The following LRP2 variants were observed in gnomAD, a reference collection of about 807,000 sequenced individuals.
LRP2 encodes LDL receptor related protein 2.
LRP2 carries 172 observed loss-of-function variants against 531.0 expected under a neutral mutation model. That is an observed-to-expected ratio of 0.32 (90% CI 0.29 to 0.37). The LOEUF is 0.37. Ranked by LOEUF, LRP2 falls within the 10% of genes least tolerant of loss-of-function variation. The probability of loss-of-function intolerance (pLI) is 1.00; values close to 1 mark genes in which losing one functional copy is unlikely to be tolerated. For missense variants in LRP2, 5,167 were observed against 5,868.3 expected, an observed-to-expected ratio of 0.88 and a Z score of 3.90; for synonymous variants, 1,992 against 2,027.6, an observed-to-expected ratio of 0.98 and a Z score of 0.47.
chr2:169,212,249 T>C lies in LRP2; in HGVS notation c.6041-42A>G, dbSNP rs574055916. The C allele has an allele frequency of 2.4e-5, 38 of 1,613,664 alleles. No individual in the cohort carries two copies. In the African/African-American group the frequency reaches 2.9e-4, roughly 12 times the overall value. On this transcript the variant is annotated intron_variant, in intron 36 of 78. Coordinates refer to ENST00000649046, the MANE Select transcript of LRP2 (RefSeq NM_004525.3). ...TCCATTTGTAACTTTTGATCCTAGC[T>C]ACTCGCCACCCCATCTCAAATTTCT...
At chr2:169,193,296 G>A (rs997638085) in intron 47 of LRP2, among the ~76,000 whole-genome samples, 6 of 151,848 alleles carry the variant, frequency 4.0e-5, no homozygotes, top group African/African-American at 1.5e-4. Context: ...AGCCAGGCAT[G>A]GTGGTGGGCG....
Position 169,204,163 on chromosome 2 carries a change from A to G in LRP2, c.7824T>C (p.Thr2608=), listed in dbSNP as rs1688297210. The G allele has an allele frequency of 2.5e-6, 4 of 1,614,094 alleles. No homozygotes were observed. The highest frequency in any genetic ancestry group is 2.5e-6 in the Non-Finnish European group (3 of 1,180,044). ...LTLYGQYIYW[T]DLYTQRIYRA... is the part of the protein sequence containing the mutation. ...GGTAAATTCTTTGTGTGTACAAGTC[A>G]GTCCAGTAAATATACTGGCCATAGA... Residue 2608 remains threonine, a synonymous_variant, in exon 42 of 79, where the codon ACT becomes ACC. Transcript: ENST00000649046.
chr2:169,265,078 A>G (rs536382023), intron 16 of LRP2, among the ~76,000 whole-genome samples: 2 of 151,180 alleles, frequency 1.3e-5, no homozygotes, highest in Non-Finnish European at 3.0e-5. Flanking sequence ...GGCATCTATG[A>G]AGGAGAAATT....
chr2:169,343,167 A>T (rs1230964656), intron 1 of LRP2, among the ~76,000 whole-genome samples: 1 of 152,192 alleles, frequency 6.6e-6, no homozygotes, highest in Non-Finnish European at 1.5e-5. Context: ...CATGCACAGG[A>T]CACCTAAAAT....
At chr2:169,236,348 A>G (rs1689604491) in intron 28 of LRP2, among the ~76,000 whole-genome samples, 1 of 152,186 alleles carries the variant, frequency 6.6e-6, no homozygotes, top group Non-Finnish European at 1.5e-5. Context: ...CTCAATGCCA[A>G]TTCATGTTTG....
At chr2:169,322,223 G>C (rs528037976) in intron 1 of LRP2, among the ~76,000 whole-genome samples, 6 of 152,288 alleles carry the variant, frequency 3.9e-5, no homozygotes, top group Non-Finnish European at 7.3e-5. Context: ...ATCCTGATTT[G>C]TGTAAATGCA....
At position 169,154,476 on chromosome 2, in the gene LRP2, G is replaced by A. The variant is rs780057389; in HGVS notation, c.12279C>T (p.Pro4093=). The A allele has an allele frequency of 1.2e-5, 20 of 1,612,106 alleles. No homozygotes were observed. The highest frequency in any genetic ancestry group is 1.6e-4 in the Middle Eastern group (1 of 6,076). The change falls in exon 66 of 79, where the codon CCC becomes CCT. Residue 4093 remains proline (P), a synonymous_variant. Transcript: ENST00000649046. ...TATACTCACTGAGGCCTATGTCCTT[G>A]GGATCCCAATCATAATCAACAGCTT... is the stretch of plus-strand genomic sequence containing the variant. ...YIQAVDYDWD[P]KDIGLSVVYY...
chr2:169,142,821 G>A, intron 70 of LRP2, 28 bp from the exon 71 acceptor site: 4 of 1,612,952 alleles, frequency 2.5e-6, no homozygotes, highest in Non-Finnish European at 3.4e-6. Context: ...ACAGCAGTTA[G>A]GTCCTGACAG....
intron 44 of LRP2, 48 bp downstream of exon 44, chr2:169,201,580 C>A (rs1312486963): frequency 6.2e-7 from 1 of 1,613,010 alleles, no homozygotes; most frequent in Non-Finnish European, 8.5e-7. Flanking sequence ...CTCCTGTGAT[C>A]CAAGACTTCA....
intron 1 of LRP2, among the ~76,000 whole-genome samples, chr2:169,331,202 C>T (rs1414547163): frequency 1.3e-5 from 2 of 152,182 alleles, no homozygotes; most frequent in African/African-American, 2.4e-5. Flanking sequence ...AGCACCTCTG[C>T]GTTGTGGTGC....
Position 169,236,267 on chromosome 2 carries a change from G to T in LRP2, c.4692-199C>A, listed in dbSNP as rs78967293. Among the ~76,000 whole-genome samples, 6,335 of 152,096 alleles carry T rather than the reference G, an allele frequency of 0.042. 354 individuals carry two copies. The highest frequency in any genetic ancestry group is 0.13 in the African/African-American group (5,408 of 41,468). On this transcript the variant is annotated intron_variant, in intron 28 of 78. Transcript: ENST00000649046. ...CATAACACAATCACAACCCATCTGG[G>T]TATTTTTATAATGTTCATAAAACAT...
intron 3 of LRP2, among the ~76,000 whole-genome samples, chr2:169,317,413 TGTC>T (rs1684791566): frequency 6.6e-6 from 1 of 152,198 alleles, no homozygotes; most frequent in Non-Finnish European, 1.5e-5. Context: ...CCTGAGAGAA[TGTC>T]AGGCCTTCAG....
At chr2:169,209,412 A>C (rs1559017775) in intron 38 of LRP2, 41 bp downstream of exon 38, 6 of 1,586,288 alleles carry the variant, frequency 3.8e-6, no homozygotes, top group Non-Finnish European at 5.2e-6. Context: ...ATAAGATGAC[A>C]GAGATGCAAA....
chr2:169,174,087 A>T lies in LRP2; in HGVS notation c.10846T>A (p.Phe3616Ile). 1.2e-6 allele frequency: 2 copies of T among 1,614,158 alleles called. No homozygotes were observed. The change falls in exon 56 of 79, where the codon TTT becomes ATT. Residue 3616 changes from phenylalanine to isoleucine, a missense_variant. By Grantham distance (21) the Phe-to-Ile change is conservative. Around this residue, in one of 6 missense-constraint regions of LRP2, gnomAD observed 311 missense variants for 309.4 expected, o/e 1.01. Coordinates refer to ENST00000649046, the MANE Select transcript of LRP2 (RefSeq NM_004525.3). ...CIPESWQCDT[F>I]NDCEDNSDED... ...TCTGAGTTATCCTCACAGTCGTTAA[A>T]TGTGTCACACTGCCAGGATTCTGGG...
At chr2:169,203,059 C>T in intron 42 of LRP2, 100 bp from the exon 43 acceptor site, 1 of 943,816 alleles carries the variant, frequency 1.1e-6, no homozygotes, top group Non-Finnish European at 1.7e-6. Flanking sequence ...ACATTAAATG[C>T]TCCCTAAGAA....
intron 70 of LRP2, among the ~76,000 whole-genome samples, chr2:169,144,688 C>T (rs1685845717): frequency 6.6e-6 from 1 of 152,188 alleles, no homozygotes; most frequent in African/African-American, 2.4e-5. Context: ...GGAAGCCATG[C>T]CCTAGAAAAG....
rs372257353 is a variant in LRP2 at position 169,130,241 on chromosome 2, G to T, written c.13729-1157C>A. On this transcript the variant is annotated intron_variant, in intron 77 of 78. Transcript: ENST00000649046. ...GACTTTCATTTTTGTCTCCTTGGGG[G>T]ATCCTATGCATATCAATGTAACTTT... 2.3e-4 allele frequency among the ~76,000 whole-genome samples: 35 copies of T among 152,118 alleles called. No individual in the cohort carries two copies. In the East Asian group the frequency reaches 5.6e-3, roughly 24 times the overall value.
chr2:169,129,279 G>A (rs1237678429), intron 77 of LRP2, among the ~76,000 whole-genome samples, 195 bp from the exon 78 acceptor site: 5 of 152,136 alleles, frequency 3.3e-5, no homozygotes, highest in East Asian at 3.8e-4. Context: ...GAAACTCTGG[G>A]CTCTTTTAAT....
intron 3 of LRP2, among the ~76,000 whole-genome samples, chr2:169,312,724 T>C (rs180901858): frequency 6.6e-6 from 1 of 152,350 alleles, no homozygotes; most frequent in African/African-American, 2.4e-5. Context: ...GCATTCTCTG[T>C]ATTTCCTGAA....
Sources: gnomAD v4.1 joint callset for allele counts (sites outside exome capture counted in the v4.1 genomes callset) on GRCh38, gnomAD v4.1.1 for gene constraint, gnomAD v4.1.1 regional missense constraint, MANE v1.5 for transcripts, NCBI Gene and HGNC (gene_info 2026-07-23, HGNC 2026-07-21) for gene names.